Variants in C2 observed in about 807,000 individuals in gnomAD.
The protein encoded by C2 is complement C2, also known as C3/C5 convertase.
In C2, 64 loss-of-function variants were observed where a neutral mutation model predicts 85.2. The observed-to-expected ratio is 0.75, with a 90% CI of 0.61 to 0.92. C2 has a LOEUF of 0.92. C2 is among the 40% of genes least tolerant of loss of function. The pLI, the probability that C2 is intolerant of heterozygous loss-of-function variation, is 0.00. For missense variants in C2, 820 were observed against 971.6 expected (o/e 0.84, Z 2.07); for synonymous variants, 311 against 370.8 (o/e 0.84, Z 1.85).
chr6:31,926,493 C>T (rs373843779), upstream of C2, among the ~76,000 whole-genome samples: 101 of 151,908 alleles, frequency 6.6e-4, no homozygotes, highest in East Asian at 2.9e-3. Context: ...CCACCACACC[C>T]GGCTAATTTT....
Position 31,944,733 on chromosome 6 carries a change from A to C in C2, c.1909A>C (p.Ser637Arg), listed in dbSNP as rs998697136. The C allele has an allele frequency of 3.7e-6, 6 of 1,613,056 alleles. No individual in the cohort carries two copies. In the Middle Eastern group the frequency reaches 6.6e-4, roughly 178 times the overall value. The change falls in exon 16 of 18, where the codon AGC (serine) becomes CGC (arginine). Residue 637 changes from serine to arginine, a missense_variant. Coordinates refer to ENST00000299367, the MANE Select transcript of C2 (RefSeq NM_000063.6). This position sits in a 1 kb window ranked among gnomAD's most constrained non-coding sequence, Gnocchi z 5.1. ...INLKMGVEWT[S>R]CAEVVSQEKT... ...GGTTCCACCCCTGCTGCAGTGGACA[A>C]GCTGTGCCGAGGTTGTCTCCCAAGA...
chr6:31,933,309 A>G (rs1255821207), intron 3 of C2, among the ~76,000 whole-genome samples: 1 of 152,270 alleles, frequency 6.6e-6, no homozygotes, highest in East Asian at 1.9e-4. Context: ...CCAGCAAGGT[A>G]ACAGAGTGCC....
In C2 at chr6:31,927,866, C is replaced by T; in HGVS notation, c.46+68C>T. ...GGTTGGTGCTCCCAGCTTGAATTCC[C>T]ATGTGTGAAACAGTCTCTTTTGCTT... is the stretch of plus-strand genomic sequence containing the variant. On this transcript the variant is annotated intron_variant, in intron 1 of 17. Transcript: ENST00000299367. This position sits in a 1 kb window ranked among gnomAD's most constrained non-coding sequence, Gnocchi z 4.7. The T allele has an allele frequency of 1.3e-6, 2 of 1,587,314 alleles. No individual in the cohort carries two copies. Among genetic ancestry groups the T allele is most frequent in the Admixed American group, 1.7e-5 (1 of 59,996 alleles).
chr6:31,925,050 C>G (rs188144048), upstream of C2, among the ~76,000 whole-genome samples: 508 of 152,250 alleles, frequency 3.3e-3, no homozygotes, highest in Non-Finnish European at 5.6e-3. Flanking sequence ...GCTATGAGGG[C>G]TAGGGAGGAA....
chr6:31,905,556 C>T (rs1051915565), intron 1 of C2, among the ~76,000 whole-genome samples: 17 of 151,710 alleles, frequency 1.1e-4, no homozygotes, highest in African/African-American at 3.9e-4. Flanking sequence ...CACTTAAGGC[C>T]GGGAGTTTGA....
intron 7 of C2, chr6:31,936,632 C>T (rs368210399): frequency 2.6e-4 from 40 of 156,320 alleles, no homozygotes; most frequent in East Asian, 1.1e-3. Context: ...CTCAGCTTCC[C>T]GAGTAGCTGA....
intron 9 of C2, among the ~76,000 whole-genome samples, chr6:31,939,771 A>T (rs912548600): frequency 6.6e-6 from 1 of 152,038 alleles, no homozygotes; most frequent in Admixed American, 6.6e-5. Context: ...CAAATTTTTT[A>T]AAATTAATTT....
chr6:31,927,061 ATGT>A (rs1178287102), upstream of C2, among the ~76,000 whole-genome samples: 2 of 152,194 alleles, frequency 1.3e-5, no homozygotes, highest in Admixed American at 6.5e-5. This position sits in a 1 kb window ranked among gnomAD's most constrained non-coding sequence, Gnocchi z 4.7. Flanking sequence ...TTCCGTAAAA[ATGT>A]TGTAAACATT....
rs1769025638 is a variant in C2 at position 31,922,257 on chromosome 6, T to C, written c.-100+2231T>C. 6.6e-6 allele frequency among the ~76,000 whole-genome samples: 1 copy of C among 151,890 alleles called. No homozygotes were observed. Among genetic ancestry groups the C allele is most frequent in the South Asian group, 2.1e-4 (1 of 4,810 alleles). Reference sequence around the variant, plus strand: ...CTTGCAGAGCAATGCTGAATCCCCATCTAAAGTCACACATTAAGGCTGTGA... The same window carrying C: ...CTTGCAGAGCAATGCTGAATCCCCACCTAAAGTCACACATTAAGGCTGTGA... On this transcript the variant is annotated intron_variant, in intron 1 of 3. Coordinates refer to the C2 transcript ENST00000413154. The surrounding 1 kb of genome is among the most constrained non-coding windows in gnomAD (Gnocchi z 4.8).
chr6:31,901,267 G>A (rs771714863), intron 1 of C2: 5 of 1,612,386 alleles, frequency 3.1e-6, no homozygotes, highest in South Asian at 2.2e-5. Flanking sequence ...CCTCGTGGCC[G>A]GGCAGCTGGA....
intron 1 of C2, among the ~76,000 whole-genome samples, chr6:31,914,678 C>T (rs1309209729): frequency 1.3e-5 from 2 of 151,740 alleles, no homozygotes; most frequent in African/African-American, 4.8e-5. Context: ...TGTGGGAGGC[C>T]GAGACGGGTG....
chr6:31,913,373 C>T (rs776679553), intron 1 of C2, among the ~76,000 whole-genome samples: 21 of 152,116 alleles, frequency 1.4e-4, no homozygotes, highest in African/African-American at 1.9e-4. Flanking sequence ...GTGAGGAGTT[C>T]GCGACCAGCC....
upstream of C2, among the ~76,000 whole-genome samples, chr6:31,917,484 G>A (rs114268635): frequency 7.2e-4 from 109 of 152,232 alleles, no homozygotes; most frequent in African/African-American, 2.5e-3. Context: ...CTACTAGAAG[G>A]GGAGAGAGGG....
At position 31,928,081 on chromosome 6, in the gene C2, C is replaced by A; in HGVS notation, c.173C>A (p.Ser58Tyr). ...TCCTGCCCCCAGGGCCTGTACCCAT[C>A]CCCAGCATCACGGCTGTGCAAGAGC... ...TYSCPQGLYPSPASRLCKSSG... is the reference protein window; with the variant it reads ...TYSCPQGLYPYPASRLCKSSG... The change falls in exon 2 of 18, where the codon TCC becomes TAC. Residue 58 changes from serine (S) to tyrosine (Y), a missense_variant. Physicochemically the swap from Ser to Tyr is moderately radical, Grantham distance 144 (BLOSUM62 -2). Transcript: ENST00000299367. 1 of 1,614,118 alleles carries A rather than the reference C, an allele frequency of 6.2e-7. No homozygotes were observed. Among genetic ancestry groups the A allele is most frequent in the South Asian group, 1.1e-5 (1 of 91,084 alleles).
upstream of C2, among the ~76,000 whole-genome samples, chr6:31,899,443 C>T (rs573116094): frequency 6.6e-6 from 1 of 151,902 alleles, no homozygotes; most frequent in South Asian, 2.1e-4. Context: ...TTTTCTGGGA[C>T]TCAGTAATCT....
chr6:31,898,017 C>A, upstream of C2: 1 of 577,264 alleles, frequency 1.7e-6, no homozygotes, highest in Non-Finnish European at 2.2e-6. Flanking sequence ...GGGCTTTTCC[C>A]GCCTCTGGTT....
At chr6:31,902,240 T>C (rs1427125380) in intron 1 of C2, among the ~76,000 whole-genome samples, 1 of 150,166 alleles carries the variant, frequency 6.7e-6, no homozygotes, top group Non-Finnish European at 1.5e-5. Context: ...CCCCCCTCTT[T>C]CTCGCTCCCC....
At position 31,936,040 on chromosome 6, in the gene C2, C is replaced by A; in HGVS notation, c.967C>A (p.Leu323Met). 2 of 1,612,984 alleles carry A rather than the reference C, an allele frequency of 1.2e-6. No homozygotes were observed. The highest frequency in any genetic ancestry group is 1.7e-6 in the Non-Finnish European group (2 of 1,180,012). Residue 323 changes from leucine (L) to methionine (M), a missense_variant, in exon 7 of 18, where the codon CTG (leucine) becomes ATG (methionine). Physicochemically the swap from Leu to Met is conservative, Grantham distance 15 (BLOSUM62 2). Transcript: ENST00000299367. ...SRDMTEVISSLENANYKDHEN... is the reference protein window; with the variant it reads ...SRDMTEVISSMENANYKDHEN... ...GGATATGACTGAGGTGATCAGCAGC[C>A]TGGAAAATGCCAACTATAAAGGTAC...
intron 2 of C2, 69 bp downstream of exon 2, chr6:31,928,233 T>G (rs1251499565): frequency 6.9e-7 from 1 of 1,442,604 alleles, no homozygotes; most frequent in South Asian, 1.2e-5. Context: ...TGTTTAGGAG[T>G]TGCTCAGGGT....
Sources: gnomAD v4.1 joint callset for allele counts (sites outside exome capture counted in the v4.1 genomes callset) on GRCh38, gnomAD v4.1.1 for gene constraint, Gnocchi (gnomAD v3.1) non-coding constraint, MANE v1.5 for transcripts, NCBI Gene and HGNC (gene_info 2026-07-23, HGNC 2026-07-21) for gene names.